The following MAK variants were observed in gnomAD, a reference collection of about 807,000 sequenced individuals.
MAK encodes the protein serine/threonine-protein kinase MAK.
Under a neutral mutation model 82.6 loss-of-function variants are expected in MAK, and 65 were observed. That is an observed-to-expected ratio of 0.79 (90% CI 0.64 to 0.97). The LOEUF (loss-of-function observed/expected upper bound fraction) is 0.97. Among genes scored for constraint, MAK ranks in the 50% least tolerant of loss-of-function variants. The pLI is 0.00. For missense variants in MAK, 703 were observed against 780.2 expected, an observed-to-expected ratio of 0.90 and a Z score of 1.18; for synonymous variants, 250 against 274.2, an observed-to-expected ratio of 0.91 and a Z score of 0.87.
chr6:10,817,538 G>A (rs1251590601), intron 4 of MAK, among the ~76,000 whole-genome samples: 1 of 152,046 alleles, frequency 6.6e-6, no homozygotes, highest in East Asian at 1.9e-4. Context: ...TCTCAATAAT[G>A]CCCAAGGCCA....
chr6:10,767,748 C>T lies in MAK; in HGVS notation c.1792+2363G>A, dbSNP rs188222152. 3.9e-4 allele frequency among the ~76,000 whole-genome samples: 58 copies of T among 150,054 alleles called. 1 individual carries two copies. The East Asian group carries it at 4.3e-3, about 11-fold the overall frequency. ...AGGTTGCAGCAGGGAGCTGAGATCA[C>T]GCCACTGCACTCCAGGCTGGTGACA... On this transcript the variant is annotated intron_variant, in intron 14 of 14. Coordinates refer to ENST00000354489, the MANE Select transcript of MAK (RefSeq NM_001242957.3).
intron 12 of MAK, among the ~76,000 whole-genome samples, chr6:10,774,475 A>T (rs1188160737): frequency 6.6e-6 from 1 of 152,052 alleles, no homozygotes; most frequent in Non-Finnish European, 1.5e-5. Context: ...CTTTTTGGAG[A>T]CAGAAGCATT....
At chr6:10,777,621 T>C (rs1224155629) in intron 11 of MAK, among the ~76,000 whole-genome samples, 2 of 151,978 alleles carry the variant, frequency 1.3e-5, no homozygotes, top group East Asian at 3.9e-4. Flanking sequence ...AGATAACTAG[T>C]TTAATTCAAG....
intron 11 of MAK, among the ~76,000 whole-genome samples, chr6:10,779,031 G>A (rs933408992): frequency 3.7e-4 from 55 of 150,592 alleles, no homozygotes; most frequent in African/African-American, 1.3e-3. Flanking sequence ...GGGAGTCTGA[G>A]GCAGGAGAAT....
intron 2 of MAK, among the ~76,000 whole-genome samples, chr6:10,830,156 T>TGTGTGC (rs1554187797): frequency 8.2e-5 from 11 of 134,026 alleles, no homozygotes; most frequent in South Asian, 2.4e-4. Context: ...TGTGTGTGTG[T>TGTGTGC]GCGTGTGCAC....
chr6:10,776,051 G>T lies in MAK; in HGVS notation c.1466-592C>A, dbSNP rs1773436302. 6.6e-6 allele frequency among the ~76,000 whole-genome samples: 1 copy of T among 152,202 alleles called. No individual in the cohort carries two copies. On this transcript the variant is annotated intron_variant, in intron 11 of 14. Transcript: ENST00000354489. The surrounding 1 kb of genome is among the most constrained non-coding windows in gnomAD (Gnocchi z 4.3). ...GATCCGTTCACCTTGGCCTCCCAAA[G>T]TGCTGAGATTACAGGTGTAAGCCAC...
Position 10,835,627 on chromosome 6 carries a change from T to C in MAK, c.-230+2876A>G, listed in dbSNP as rs536633667. 2.5e-4 allele frequency among the ~76,000 whole-genome samples: 38 copies of C among 152,278 alleles called. No individual in the cohort carries two copies. The Middle Eastern group carries it at 0.02, about 82-fold the overall frequency. ...TCATCTTTTCTTTTAACCAAATTAT[T>C]TTCATGTTAACACCTAACCAAGGAC... On this transcript the variant is annotated intron_variant, in intron 1 of 14. Transcript: ENST00000354489.
intron 4 of MAK, 71 bp downstream of exon 4, chr6:10,817,779 G>C (rs1777606284): frequency 4.1e-6 from 5 of 1,221,696 alleles, no homozygotes; most frequent in Non-Finnish European, 5.8e-6. Flanking sequence ...CTCTCATAAA[G>C]TATGACATAT....
At position 10,770,163 on chromosome 6, in the gene MAK, C is replaced by T. The variant is rs770648753; in HGVS notation, c.1740G>A (p.Val580=). ...AGTGGATCCTCTGGCCAGCTGACTG[C>T]ACTTCTTTTTTGAGAAAGGAAGGAA... ...GYIPSFLKKE[V]QSAGQRIHLA... is the part of the protein sequence containing the mutation. The change falls in exon 14 of 15, where the codon GTG becomes GTA. Residue 580 remains valine (V), a synonymous_variant. Transcript: ENST00000354489. 2 of 1,614,114 alleles carry T rather than the reference C, an allele frequency of 1.2e-6. No homozygotes were observed. Among genetic ancestry groups the T allele is most frequent in the Non-Finnish European group, 1.7e-6 (2 of 1,180,010 alleles).
rs1772108706 is a variant in MAK at position 10,763,326 on chromosome 6, C to T, written c.*1126G>A. The T allele has an allele frequency of 6.6e-6, 1 of 152,052 alleles. No homozygotes were observed. Among genetic ancestry groups the T allele is most frequent in the African/African-American group, 2.4e-5 (1 of 41,382 alleles). The allele number at this position is 152,052 out of a possible 1,614,324, so 9.4% of individuals were successfully genotyped here. On this transcript the variant is annotated 3_prime_UTR_variant, in exon 15 of 15. Transcript: ENST00000354489. ...CAGAAACAAAACAATTTGAAAAGTC[C>T]AATGAACCAGCATCAAACAAACACA...
chr6:10,796,615 G>A (rs892617101), intron 8 of MAK, among the ~76,000 whole-genome samples: 1 of 152,146 alleles, frequency 6.6e-6, no homozygotes. Context: ...AGACCAGCCC[G>A]ACCAACATGG....
intron 11 of MAK, among the ~76,000 whole-genome samples, chr6:10,783,243 A>T (rs899888180): frequency 6.6e-6 from 1 of 152,096 alleles, no homozygotes; most frequent in Non-Finnish European, 1.5e-5. Context: ...GAATTGAAAC[A>T]TTTCCTTTTT....
intron 5 of MAK, among the ~76,000 whole-genome samples, chr6:10,813,113 TA>T (rs1561987144): frequency 0.061 from 225 of 3,718 alleles, 42 homozygotes; most frequent in Non-Finnish European, 0.089. Context: ...TATATATATA[TA>T]TATATATATA....
chr6:10,826,160 A>G (rs1383929680), intron 2 of MAK, among the ~76,000 whole-genome samples: 1 of 151,956 alleles, frequency 6.6e-6, no homozygotes, highest in Non-Finnish European at 1.5e-5. Context: ...TCAGTTACTC[A>G]GCCCCAGTTA....
intron 1 of MAK, among the ~76,000 whole-genome samples, chr6:10,837,538 C>G (rs1294476981): frequency 6.6e-6 from 1 of 152,188 alleles, no homozygotes; most frequent in African/African-American, 2.4e-5. Context: ...GCTGGAAAGT[C>G]ACTTTTGTTT....
At chr6:10,809,077 A>G in intron 5 of MAK, 135 bp from the exon 6 acceptor site, 3 of 844,982 alleles carry the variant, frequency 3.6e-6, no homozygotes, top group Middle Eastern at 3.5e-4. Context: ...AAAGTAAACC[A>G]TATTTATTGT....
chr6:10,784,750 T>A, intron 10 of MAK, 178 bp from the exon 11 acceptor site: 1 of 683,402 alleles, frequency 1.5e-6, no homozygotes. Context: ...GCGTAGATAT[T>A]GGGTCGTGCA....
In MAK at chr6:10,793,583, A is replaced by C. The variant is rs1581692834; in HGVS notation, c.1144-1736T>G. 1.3e-5 allele frequency among the ~76,000 whole-genome samples: 2 copies of C among 152,352 alleles called. No homozygotes were observed. The highest frequency in any genetic ancestry group is 3.9e-4 in the East Asian group (2 of 5,182). On this transcript the variant is annotated intron_variant, in intron 9 of 14. Transcript: ENST00000354489. This position sits in a 1 kb window ranked among gnomAD's most constrained non-coding sequence, Gnocchi z 4.6. ...GGTACAGAATATGCAATTTAGGAGA[A>C]GCATTTGTGAAAAAACAGGTATACT...
At chr6:10,813,128 ATATATAAAT>A (rs1777158231) in intron 5 of MAK, among the ~76,000 whole-genome samples, 1 of 682 alleles carries the variant, frequency 1.5e-3, no homozygotes, top group African/African-American at 4.9e-3. Flanking sequence ...ATATATATAT[ATATATAAAT>A]TTTTTTTTTT....
Sources: gnomAD v4.1 joint callset for allele counts (sites outside exome capture counted in the v4.1 genomes callset) on GRCh38, gnomAD v4.1.1 for gene constraint, Gnocchi (gnomAD v3.1) non-coding constraint, MANE v1.5 for transcripts, NCBI Gene and HGNC (gene_info 2026-07-23, HGNC 2026-07-21) for gene names.